ALK: variants seen among roughly 807,000 people sequenced by gnomAD.
The protein encoded by ALK is ALK tyrosine kinase receptor.
A neutral mutation model predicts 163.1 loss-of-function variants in ALK; 74 were observed. That is an observed-to-expected ratio of 0.45 (90% confidence interval 0.38 to 0.55). ALK has a LOEUF of 0.55. ALK is among the 20% of genes least tolerant of loss of function. ALK has a pLI of 0.00. For missense variants in ALK, 2,063 were observed against 2,105.3 expected, an observed-to-expected ratio of 0.98 and a Z score of 0.39; for synonymous variants, 960 against 843.2, an observed-to-expected ratio of 1.14 and a Z score of -2.40.
At chr2:29,533,068 C>T (rs6716559) in intron 3 of ALK, among the ~76,000 whole-genome samples, 103,268 of 152,112 alleles carry the variant, frequency 0.68, 35,146 homozygotes, top group South Asian at 0.74. Flanking sequence ...CAAAGCATTA[C>T]TCAAAAGGAA....
intron 4 of ALK, among the ~76,000 whole-genome samples, chr2:29,485,262 C>T (rs1427914184): frequency 1.3e-5 from 2 of 152,200 alleles, no homozygotes; most frequent in East Asian, 3.8e-4. Flanking sequence ...AATGGATATT[C>T]TAATCCTCTA....
At chr2:29,414,045 G>T (rs1669803030) in intron 4 of ALK, among the ~76,000 whole-genome samples, 1 of 152,156 alleles carries the variant, frequency 6.6e-6, no homozygotes, top group African/African-American at 2.4e-5. Context: ...AGTGAAATAG[G>T]TTTATTTACA....
chr2:29,309,573 T>C (rs1031119283), intron 8 of ALK, among the ~76,000 whole-genome samples: 1 of 152,200 alleles, frequency 6.6e-6, no homozygotes, highest in Non-Finnish European at 1.5e-5. Flanking sequence ...GCAGTGGTGA[T>C]AGAATGCTGG....
intron 4 of ALK, among the ~76,000 whole-genome samples, chr2:29,457,359 C>T (rs775851335): frequency 1.3e-5 from 2 of 152,066 alleles, no homozygotes; most frequent in Non-Finnish European, 2.9e-5. Flanking sequence ...GGATGAGCCT[C>T]GGTTAGGAGT....
intron 4 of ALK, among the ~76,000 whole-genome samples, chr2:29,529,806 A>G (rs1453904627): frequency 2.0e-5 from 3 of 152,192 alleles, no homozygotes; most frequent in Non-Finnish European, 4.4e-5. Context: ...CCCCAGACAA[A>G]GCCATCAAGT....
At chr2:29,295,192 A>G (rs1666139128) in intron 9 of ALK, among the ~76,000 whole-genome samples, 1 of 152,230 alleles carries the variant, frequency 6.6e-6, no homozygotes, top group Non-Finnish European at 1.5e-5. Context: ...TCTGGTAAAC[A>G]GCCTTTAACA....
At chr2:29,717,776 A>T in intron 1 of ALK, 79 bp from the exon 2 acceptor site, 2 of 1,597,790 alleles carry the variant, frequency 1.3e-6, no homozygotes, top group Non-Finnish European at 1.7e-6. Flanking sequence ...TCAGTCAAAA[A>T]TGAAGTTTAT....
chr2:29,877,028 T>A (rs1259509143), intron 1 of ALK, among the ~76,000 whole-genome samples: 1 of 152,178 alleles, frequency 6.6e-6, no homozygotes, highest in Non-Finnish European at 1.5e-5. Flanking sequence ...CCCTCCAAAC[T>A]GGAAGAGAGC....
intron 4 of ALK, among the ~76,000 whole-genome samples, chr2:29,416,979 C>CCTTTTTTTT (rs1177704836): frequency 1.3e-4 from 10 of 77,664 alleles, no homozygotes; most frequent in African/African-American, 5.5e-4. Flanking sequence ...ATGTTTGATG[C>CCTTTTTTTT]TTTTTTTTTT....
At chr2:29,530,218 T>C (rs1234193926) in intron 4 of ALK, among the ~76,000 whole-genome samples, 1 of 152,164 alleles carries the variant, frequency 6.6e-6, no homozygotes, top group Non-Finnish European at 1.5e-5. Context: ...AGTTTTCTCC[T>C]CTTTTAAATG....
At chr2:29,705,504 C>CA (rs1260637587) in intron 2 of ALK, among the ~76,000 whole-genome samples, 1 of 151,558 alleles carries the variant, frequency 6.6e-6, no homozygotes, top group Non-Finnish European at 1.5e-5. Context: ...CTAGAACAGA[C>CA]ATCCTTCTTT....
chr2:29,879,261 A>C (rs1030783195), intron 1 of ALK, among the ~76,000 whole-genome samples: 5 of 152,192 alleles, frequency 3.3e-5, no homozygotes, highest in African/African-American at 1.2e-4. Flanking sequence ...GAAAACTTCC[A>C]AACTTTAGAC....
intron 11 of ALK, among the ~76,000 whole-genome samples, chr2:29,257,880 C>T (rs187021892): frequency 2.0e-5 from 3 of 152,264 alleles, no homozygotes; most frequent in East Asian, 1.9e-4. Context: ...GCTCTATCAC[C>T]GAGGCTGGAG....
At chr2:29,443,533 TG>T (rs1670597325) in intron 4 of ALK, among the ~76,000 whole-genome samples, 1 of 152,202 alleles carries the variant, frequency 6.6e-6, no homozygotes, top group South Asian at 2.1e-4. Flanking sequence ...AATACAATTC[TG>T]GGTTTTTCTC....
In ALK at chr2:29,296,740, T is replaced by TGC. The variant is rs1333619198; in HGVS notation, c.1817+146_1817+147dup. 1.5e-5 allele frequency: 12 copies of TGC among 800,928 alleles called. No individual in the cohort carries two copies. The Admixed American group carries it at 1.6e-4, about 10-fold the overall frequency. The allele number at this position is 800,928 out of a possible 1,614,324, so 49.6% of individuals were successfully genotyped here. A position where few individuals can be genotyped will look rare whatever the true frequency, so the allele number is the denominator to read the frequency against. ...CCTGCAGAGTGTGTGTGTGTGTGTGTGCACGTGCGTGCACGCGCACATATC... is the reference window on the plus strand; with the variant it reads ...CCTGCAGAGTGTGTGTGTGTGTGTGTGCGCACGTGCGTGCACGCGCACATATC... On this transcript the variant is annotated intron_variant, in intron 9 of 28. Coordinates refer to ENST00000389048, the MANE Select transcript of ALK (RefSeq NM_004304.5).
chr2:29,278,880 G>C (rs955725359), intron 9 of ALK, among the ~76,000 whole-genome samples: 1 of 152,186 alleles, frequency 6.6e-6, no homozygotes, highest in Non-Finnish European at 1.5e-5. Flanking sequence ...CACAGGACCA[G>C]GGGCCAAGCC....
At chr2:29,812,338 T>C (rs577971387) in intron 1 of ALK, among the ~76,000 whole-genome samples, 32 of 152,188 alleles carry the variant, frequency 2.1e-4, no homozygotes, top group African/African-American at 7.0e-4. Flanking sequence ...CTGGTTTCTA[T>C]AGCATAAATA....
At chr2:29,583,387 A>G (rs898603581) in intron 3 of ALK, among the ~76,000 whole-genome samples, 5 of 151,948 alleles carry the variant, frequency 3.3e-5, no homozygotes, top group Non-Finnish European at 7.4e-5. Flanking sequence ...CCAAGACCAC[A>G]CCACTGGTCA....
At chr2:29,681,470 T>A (rs1217267856) in intron 3 of ALK, 3 of 152,208 alleles carry the variant, frequency 2.0e-5, no homozygotes, top group African/African-American at 7.2e-5. Context: ...GGTAAGATAA[T>A]GTGTTTCTTT....
Sources: gnomAD v4.1 joint callset for allele counts (sites outside exome capture counted in the v4.1 genomes callset) on GRCh38, gnomAD v4.1.1 for gene constraint, MANE v1.5 for transcripts, NCBI Gene and HGNC (gene_info 2026-07-23, HGNC 2026-07-21) for gene names.